The following PCDH15 variants were observed in gnomAD, a reference collection of about 807,000 sequenced individuals.
PCDH15 encodes protocadherin related 15.
A neutral mutation model predicts 178.5 loss-of-function variants in PCDH15; 129 were observed. The observed-to-expected ratio is 0.72, with a 90% CI of 0.63 to 0.84. The LOEUF (loss-of-function observed/expected upper bound fraction) is 0.84. PCDH15 is among the 40% of genes least tolerant of loss of function. The probability of loss-of-function intolerance (pLI) is 0.00; values close to 1 mark genes in which losing one functional copy is unlikely to be tolerated. For missense variants in PCDH15, 2,230 were observed against 2,099.9 expected (o/e 1.06, Z -1.21); for synonymous variants, 800 against 732.0 (o/e 1.09, Z -1.50).
intron 2 of PCDH15, among the ~76,000 whole-genome samples, chr10:55,604,429 C>T (rs1262215019): frequency 1.3e-5 from 2 of 152,000 alleles, no homozygotes; most frequent in African/African-American, 4.8e-5. Flanking sequence ...CACCCCATAT[C>T]AACGGAATAT....
chr10:54,442,697 A>C (rs931485151), intron 3 of PCDH15, among the ~76,000 whole-genome samples: 6 of 150,912 alleles, frequency 4.0e-5, no homozygotes, highest in Admixed American at 3.3e-4. Context: ...ATTAAAATGC[A>C]CAGATCTGTC....
intron 3 of PCDH15, among the ~76,000 whole-genome samples, chr10:54,524,790 T>G (rs540393219): frequency 6.6e-6 from 1 of 152,302 alleles, no homozygotes; most frequent in Non-Finnish European, 1.5e-5. Flanking sequence ...ACATATCTCT[T>G]TGTGTGTCCA....
intron 3 of PCDH15, among the ~76,000 whole-genome samples, chr10:54,869,598 A>G (rs868485576): frequency 9.2e-5 from 14 of 152,310 alleles, no homozygotes; most frequent in Admixed American, 2.6e-4. Context: ...TCCAATTCAA[A>G]TCTTAATTTC....
intron 2 of PCDH15, among the ~76,000 whole-genome samples, chr10:55,432,387 G>T (rs767045027): frequency 7.2e-5 from 11 of 152,166 alleles, no homozygotes; most frequent in Non-Finnish European, 1.2e-4. Context: ...GGAAGGCATT[G>T]CAGGGTTCTG....
chr10:54,719,152 G>GA (rs370510538), intron 1 of PCDH15, among the ~76,000 whole-genome samples: 18,521 of 135,804 alleles, frequency 0.14, 1,262 homozygotes, highest in African/African-American at 0.18. Context: ...TATTAAAAAA[G>GA]GGTAGATATC....
At chr10:55,235,878 G>A (rs910567135) in intron 1 of PCDH15, among the ~76,000 whole-genome samples, 1 of 133,682 alleles carries the variant, frequency 7.5e-6, no homozygotes, top group Admixed American at 8.6e-5. Context: ...CTGCACTCCA[G>A]CCTGGGCGAC....
intron 3 of PCDH15, among the ~76,000 whole-genome samples, chr10:54,418,962 G>C (rs1954843112): frequency 1.3e-5 from 2 of 151,988 alleles, no homozygotes; most frequent in South Asian, 4.2e-4. Context: ...ATAGCTATGA[G>C]AGATAATTTA....
At chr10:55,044,191 G>T (rs572612113) in intron 2 of PCDH15, among the ~76,000 whole-genome samples, 1 of 152,016 alleles carries the variant, frequency 6.6e-6, no homozygotes, top group Non-Finnish European at 1.5e-5. Context: ...GAACAACTAT[G>T]GTAATACTAC....
At chr10:55,344,625 T>C (rs1333274560) in intron 2 of PCDH15, among the ~76,000 whole-genome samples, 2 of 152,064 alleles carry the variant, frequency 1.3e-5, no homozygotes, top group Non-Finnish European at 2.9e-5. Context: ...TGGGAAAGAC[T>C]TGACAGAAGC....
intron 21 of PCDH15, among the ~76,000 whole-genome samples, chr10:53,994,266 C>T (rs1435630249): frequency 1.3e-5 from 2 of 152,066 alleles, no homozygotes; most frequent in Non-Finnish European, 2.9e-5. Flanking sequence ...TGAAAAATAG[C>T]GCGACTTTTA....
chr10:55,047,922 G>T (rs556123788), intron 2 of PCDH15, among the ~76,000 whole-genome samples: 104 of 151,886 alleles, frequency 6.8e-4, no homozygotes, highest in African/African-American at 2.4e-3. Context: ...AAGTAAGTGT[G>T]TTGATTGTGT....
chr10:54,427,867 T>A (rs892328342), intron 3 of PCDH15, among the ~76,000 whole-genome samples: 12 of 152,186 alleles, frequency 7.9e-5, no homozygotes, highest in African/African-American at 2.9e-4. Flanking sequence ...GCAATCGTCA[T>A]GTGTAGCTAC....
intron 1 of PCDH15, among the ~76,000 whole-genome samples, chr10:54,764,700 C>T (rs1566170220): frequency 6.6e-6 from 1 of 152,042 alleles, no homozygotes; most frequent in Non-Finnish European, 1.5e-5. Flanking sequence ...AAGAGGTAAG[C>T]ATGCAGGATC....
Position 54,023,039 on chromosome 10 carries a change from A to G in PCDH15, c.2379T>C (p.Asp793=), listed in dbSNP as rs148920891. 63 of 1,613,836 alleles carry G rather than the reference A, an allele frequency of 3.9e-5. No individual in the cohort carries two copies. Among genetic ancestry groups the G allele is most frequent in the Admixed American group, 5.0e-5 (3 of 59,954 alleles). ...TTGAATGACGAGGGTGTACTGCTCC[A>G]TCTGTTGCCACAACAACAAGTTCAT... ...DYYELVVVAT[D]GAVHPRHSTL... The change falls in exon 19 of 38, where the codon GAT becomes GAC. Residue 793 remains aspartate, a synonymous_variant. Coordinates refer to ENST00000644397, the MANE Select transcript of PCDH15 (RefSeq NM_001384140.1).
intron 2 of PCDH15, among the ~76,000 whole-genome samples, chr10:54,614,762 T>G (rs1036117887): frequency 6.6e-6 from 1 of 151,964 alleles, no homozygotes; most frequent in East Asian, 1.9e-4. Flanking sequence ...ACTTGCATAC[T>G]CCTGTGTGTG....
intron 2 of PCDH15, among the ~76,000 whole-genome samples, chr10:54,660,613 A>C (rs977040706): frequency 6.6e-6 from 1 of 152,116 alleles, no homozygotes; most frequent in African/African-American, 2.4e-5. Flanking sequence ...CATTCTATGA[A>C]ACCAGTATCA....
At chr10:55,099,106 T>C (rs184690756) in intron 2 of PCDH15, among the ~76,000 whole-genome samples, 1 of 152,194 alleles carries the variant, frequency 6.6e-6, no homozygotes, top group Admixed American at 6.5e-5. Flanking sequence ...AAATTTTTAC[T>C]CTATTTCATT....
At chr10:54,632,229 A>T (rs560388125) in intron 2 of PCDH15, among the ~76,000 whole-genome samples, 1 of 152,232 alleles carries the variant, frequency 6.6e-6, no homozygotes, top group African/African-American at 2.4e-5. Flanking sequence ...GGAGTTAATT[A>T]TTGGGTACAC....
At chr10:55,466,872 G>C (rs985202810) in intron 2 of PCDH15, among the ~76,000 whole-genome samples, 2 of 152,164 alleles carry the variant, frequency 1.3e-5, no homozygotes, top group Non-Finnish European at 2.9e-5. Context: ...CCAAAACACA[G>C]CACACCTATT....
Sources: allele counts gnomAD v4.1 joint callset (sites outside exome capture counted in the v4.1 genomes callset), GRCh38; gene constraint gnomAD v4.1.1; transcripts MANE v1.5; gene names NCBI Gene and HGNC (gene_info 2026-07-23, HGNC 2026-07-21).